Variants in TPRG1 observed in about 807,000 individuals in gnomAD.
TPRG1 encodes the protein tumor protein p63 regulated 1, also known as tumor protein p63-regulated gene 1 protein.
A neutral mutation model predicts 29.3 loss-of-function variants in TPRG1; 29 were observed. That is an observed-to-expected ratio of 0.99 (90% CI 0.74 to 1.35). TPRG1 has a LOEUF of 1.35. Among genes scored for constraint, TPRG1 ranks in the 40% most tolerant of loss-of-function variants. The probability of loss-of-function intolerance (pLI) is 0.00; values close to 1 mark genes in which losing one functional copy is unlikely to be tolerated. For synonymous variants in TPRG1, 130 were observed against 116.8 expected, an observed-to-expected ratio of 1.11 and a Z score of -0.73; for missense variants, 327 against 335.0, an observed-to-expected ratio of 0.98 and a Z score of 0.19.
chr3:189,063,280 G>A (rs1175484754), intron 4 of TPRG1, among the ~76,000 whole-genome samples: 1 of 152,044 alleles, frequency 6.6e-6, no homozygotes, highest in Non-Finnish European at 1.5e-5. Context: ...AGATTTGCAA[G>A]GAGAAATAGG....
At chr3:189,219,776 T>G (rs913536715) in intron 3 of TPRG1, 1 of 1,095,006 alleles carries the variant, frequency 9.1e-7, no homozygotes, top group Non-Finnish European at 1.1e-6. Flanking sequence ...TTCTTAATTC[T>G]TCTTATTCCT....
chr3:189,103,079 C>T (rs896333683), intron 1 of TPRG1, among the ~76,000 whole-genome samples: 1 of 152,186 alleles, frequency 6.6e-6, no homozygotes, highest in Non-Finnish European at 1.5e-5. Flanking sequence ...AATCAATTAA[C>T]TCTCCACATC....
intron 3 of TPRG1, chr3:189,023,671 G>A (rs1713500354): frequency 6.6e-6 from 1 of 152,222 alleles, no homozygotes; most frequent in Non-Finnish European, 1.5e-5. Flanking sequence ...CCTTTGGATG[G>A]GGTTATTGTG....
At chr3:189,036,008 A>G (rs554205878) in intron 4 of TPRG1, among the ~76,000 whole-genome samples, 2 of 152,286 alleles carry the variant, frequency 1.3e-5, no homozygotes, top group East Asian at 3.9e-4. Context: ...TAGGAAAGAC[A>G]TGGAATCAAT....
chr3:189,150,179 C>A (rs1489734489), intron 4 of TPRG1, among the ~76,000 whole-genome samples: 2 of 152,102 alleles, frequency 1.3e-5, no homozygotes, highest in East Asian at 1.9e-4. Flanking sequence ...AACTTGCAGG[C>A]TTTGTAGGGA....
chr3:189,189,803 A>G (rs1014620174), intron 1 of TPRG1, among the ~76,000 whole-genome samples: 3 of 152,252 alleles, frequency 2.0e-5, no homozygotes, highest in African/African-American at 7.2e-5. Context: ...TACTCTCTAT[A>G]GCATTTTCTA....
intron 4 of TPRG1, among the ~76,000 whole-genome samples, chr3:189,050,165 G>T (rs1578244663): frequency 6.6e-6 from 1 of 152,176 alleles, no homozygotes; most frequent in South Asian, 2.1e-4. Context: ...TTTGAAAAGA[G>T]AAATAAAATT....
chr3:189,062,485 G>C (rs1393505227), intron 4 of TPRG1, among the ~76,000 whole-genome samples: 1 of 152,036 alleles, frequency 6.6e-6, no homozygotes, highest in East Asian at 1.9e-4. Context: ...CTGTTAGGAA[G>C]AAAGAAGGAA....
At chr3:189,269,774 G>A (rs1466323014) in intron 4 of TPRG1, among the ~76,000 whole-genome samples, 1 of 152,218 alleles carries the variant, frequency 6.6e-6, no homozygotes, top group Non-Finnish European at 1.5e-5. Context: ...GGGGACTGTG[G>A]TCAAGAATTC....
chr3:189,141,532 C>T (rs1381374802), intron 3 of TPRG1, among the ~76,000 whole-genome samples: 1 of 151,980 alleles, frequency 6.6e-6, no homozygotes, highest in African/African-American at 2.4e-5. Flanking sequence ...GGCCATCTCA[C>T]CTAGTCTTGA....
intron 4 of TPRG1, among the ~76,000 whole-genome samples, chr3:189,060,260 A>G (rs1259808063): frequency 6.6e-6 from 1 of 152,052 alleles, no homozygotes; most frequent in Admixed American, 6.6e-5. Flanking sequence ...CAAACAAAAA[A>G]CTCAATAAAC....
At chr3:189,023,022 C>T (rs141944586) in intron 3 of TPRG1, among the ~76,000 whole-genome samples, 1 of 152,124 alleles carries the variant, frequency 6.6e-6, no homozygotes, top group South Asian at 2.1e-4. Context: ...TTCTTTGACT[C>T]GGAAAGGGAA....
chr3:189,251,448 A>C (rs897794301), intron 4 of TPRG1, among the ~76,000 whole-genome samples: 1 of 151,734 alleles, frequency 6.6e-6, no homozygotes, highest in African/African-American at 2.4e-5. Flanking sequence ...AGAAAAAGAC[A>C]CAAAGACAAA....
chr3:189,067,332 A>G (rs1166824574), intron 4 of TPRG1, among the ~76,000 whole-genome samples: 1 of 152,232 alleles, frequency 6.6e-6, no homozygotes, highest in African/African-American at 2.4e-5. Context: ...TAAAATTTAT[A>G]TGGAACCACA....
intron 3 of TPRG1, among the ~76,000 whole-genome samples, chr3:189,140,494 C>T (rs1309364842): frequency 6.6e-6 from 1 of 152,194 alleles, no homozygotes; most frequent in Non-Finnish European, 1.5e-5. Context: ...ATTACCTCTT[C>T]CTCACCAACC....
intron 5 of TPRG1, among the ~76,000 whole-genome samples, chr3:189,152,957 G>C (rs997417721): frequency 6.6e-6 from 1 of 152,168 alleles, no homozygotes; most frequent in Non-Finnish European, 1.5e-5. Flanking sequence ...AAGTAGGACT[G>C]CTACCCGCCG....
chr3:189,024,169 T>G (rs898138821), intron 4 of TPRG1, among the ~76,000 whole-genome samples: 2 of 152,154 alleles, frequency 1.3e-5, no homozygotes, highest in African/African-American at 4.8e-5. Context: ...AAATTAGAAC[T>G]CTGTAGCCAG....
chr3:189,077,596 A>C (rs370584442), intron 4 of TPRG1, among the ~76,000 whole-genome samples: 20 of 152,286 alleles, frequency 1.3e-4, no homozygotes, highest in Middle Eastern at 3.4e-3. Context: ...AATTCATTGA[A>C]CTCAACACTT....
chr3:189,230,151 G>A (rs1029907298), intron 3 of TPRG1, among the ~76,000 whole-genome samples: 1 of 152,202 alleles, frequency 6.6e-6, no homozygotes, highest in East Asian at 1.9e-4. Context: ...GTGGGAAAGA[G>A]AGAAGGATGG....
Sources: allele counts gnomAD v4.1 joint callset (sites outside exome capture counted in the v4.1 genomes callset), GRCh38; gene constraint gnomAD v4.1.1; transcripts MANE v1.5; gene names NCBI Gene and HGNC (gene_info 2026-07-23, HGNC 2026-07-21).